Variants in DNAI2 observed in about 807,000 individuals in gnomAD.
DNAI2 encodes the protein dynein, axonemal, intermediate polypeptide 2.
A neutral mutation model predicts 74.7 loss-of-function variants in DNAI2; 63 were observed. That is an observed-to-expected ratio of 0.84 (90% CI 0.69 to 1.04). The LOEUF (loss-of-function observed/expected upper bound fraction) is 1.04. DNAI2 is among the 50% of genes least tolerant of loss of function. DNAI2 has a pLI of 0.00. For synonymous variants in DNAI2, 289 were observed against 314.9 expected (o/e 0.92, Z 0.87); for missense variants, 688 against 803.2 (o/e 0.86, Z 1.73).
rs1044856754 is a variant in DNAI2 at position 74,300,866 on chromosome 17, G to C, written c.865-180G>C. ...GCCGGCGACTCTGATGATCAGCCAG[G>C]TGTGGGAACTGTGGACAGAACAGCA... On this transcript the variant is annotated intron_variant, in intron 7 of 13. Coordinates refer to ENST00000311014, the MANE Select transcript of DNAI2 (RefSeq NM_023036.6). The surrounding 1 kb of genome is among the most constrained non-coding windows in gnomAD (Gnocchi z 4.5). Among the ~76,000 whole-genome samples, 3 of 152,216 alleles carry C rather than the reference G, an allele frequency of 2.0e-5. No homozygotes were observed. Among genetic ancestry groups the C allele is most frequent in the Admixed American group, 1.3e-4 (2 of 15,284 alleles).
intron 3 of DNAI2, 84 bp from the exon 4 acceptor site, chr17:74,286,893 G>A: frequency 1.9e-6 from 3 of 1,588,134 alleles, no homozygotes; most frequent in Non-Finnish European, 2.6e-6. Flanking sequence ...GCTATGTCCT[G>A]TCCCTCCCAG....
chr17:74,283,551 T>A (rs2051510715), intron 2 of DNAI2, among the ~76,000 whole-genome samples: 1 of 152,040 alleles, frequency 6.6e-6, no homozygotes, highest in Non-Finnish European at 1.5e-5. Flanking sequence ...ACAGCAGCAG[T>A]GAGCTGTGAT....
chr17:74,289,661 G>T lies in DNAI2; in HGVS notation c.535G>T (p.Ala179Ser), dbSNP rs749303157. The change falls in exon 5 of 14, where the codon GCA becomes TCA. Residue 179 changes from alanine to serine, a missense_variant. By Grantham distance (99) the Ala-to-Ser change is moderately conservative. Transcript: ENST00000311014. Reference protein sequence around the residue: ...SWHPDGNRKLAVAYSCLDFQR... With the variant: ...SWHPDGNRKLSVAYSCLDFQR... ...GCACCCCGATGGCAACAGGAAGTTG[G>T]CAGTGGCATACTCCTGCTTGGATTT... The T allele has an allele frequency of 9.9e-6, 16 of 1,614,000 alleles. No homozygotes were observed. The East Asian group carries it at 3.6e-4, about 36-fold the overall frequency.
Position 74,299,616 on chromosome 17 carries a change from C to G in DNAI2, c.725-102C>G, listed in dbSNP as rs1010871293. 3 of 1,512,840 alleles carry G rather than the reference C, an allele frequency of 2.0e-6. No homozygotes were observed. The East Asian group carries it at 6.8e-5, about 34-fold the overall frequency. 93.7% of individuals were successfully genotyped at this position (1,512,840 alleles called of 1,614,324 possible). ...GCCCTGATTCTAGAAAACCACATAC[C>G]TGCCAAACCAGAAGCAGCAGCCCCC... On this transcript the variant is annotated intron_variant, in intron 6 of 13. Coordinates refer to ENST00000311014, the MANE Select transcript of DNAI2 (RefSeq NM_023036.6).
At chr17:74,309,843 A>C in intron 10 of DNAI2, 174 bp from the exon 11 acceptor site, 1 of 806,030 alleles carries the variant, frequency 1.2e-6, no homozygotes, top group Non-Finnish European at 2.0e-6. Context: ...GAGGCAGGGA[A>C]GCCAGGAGCC....
intron 1 of DNAI2, among the ~76,000 whole-genome samples, chr17:74,281,086 C>CAAAAAAA (rs60399157): frequency 1.2e-4 from 7 of 58,888 alleles, no homozygotes; most frequent in African/African-American, 4.9e-4. Context: ...GCCTTTGTCT[C>CAAAAAAA]AAAAAAAAAA....
At position 74,285,196 on chromosome 17, in the gene DNAI2, G is replaced by A. The variant is rs764225804; in HGVS notation, c.340G>A (p.Gly114Ser). The A allele has an allele frequency of 5.5e-5, 89 of 1,613,860 alleles. No individual in the cohort carries two copies. The highest frequency in any genetic ancestry group is 3.3e-4 in the Middle Eastern group (2 of 6,084). ...ENYVNAIMQL[G>S]SIMEHCIKQN... Reference sequence around the variant, plus strand: ...CTACGTTAACGCCATCATGCAGCTCGGCTCTGTAAGGCTTCCTCCTGCCCC... The same window carrying A: ...CTACGTTAACGCCATCATGCAGCTCAGCTCTGTAAGGCTTCCTCCTGCCCC... The change falls in exon 3 of 14, where the codon GGC becomes AGC. Residue 114 changes from glycine to serine, a missense_variant. Coordinates refer to ENST00000311014, the MANE Select transcript of DNAI2 (RefSeq NM_023036.6).
intron 6 of DNAI2, among the ~76,000 whole-genome samples, chr17:74,297,322 G>C (rs2052506427): frequency 1.3e-5 from 2 of 150,882 alleles, no homozygotes; most frequent in Non-Finnish European, 2.9e-5. Context: ...TTGATCTCTT[G>C]ACCTCGTGAT....
chr17:74,279,546 G>C (rs1300634538), intron 1 of DNAI2, among the ~76,000 whole-genome samples: 1 of 152,008 alleles, frequency 6.6e-6, no homozygotes, highest in Non-Finnish European at 1.5e-5. Context: ...TCCTGTTTTT[G>C]AGATAGAGTC....
At chr17:74,293,352 G>A (rs1278101052) in intron 6 of DNAI2, among the ~76,000 whole-genome samples, 1 of 152,122 alleles carries the variant, frequency 6.6e-6, no homozygotes, top group East Asian at 1.9e-4. Flanking sequence ...ACATGCACAT[G>A]CTTATAATTG....
At chr17:74,292,021 G>A (rs1395974587) in intron 6 of DNAI2, among the ~76,000 whole-genome samples, 3 of 151,880 alleles carry the variant, frequency 2.0e-5, no homozygotes, top group Non-Finnish European at 2.9e-5. Flanking sequence ...ATGCCACCAC[G>A]CCTGGCTAAT....
Position 74,286,968 on chromosome 17 carries a change from C to A in DNAI2, c.346-9C>A, listed in dbSNP as rs780216155. On this transcript the variant is annotated splice_polypyrimidine_tract_variant and intron_variant, in intron 3 of 13. Coordinates refer to ENST00000311014, the MANE Select transcript of DNAI2 (RefSeq NM_023036.6). ...TTACTGCGGAGAACTTCCAATGTGT[C>A]CCCCCTAGATCATGGAGCACTGCAT... 6.2e-7 allele frequency: 1 copy of A among 1,613,458 alleles called. No individual in the cohort carries two copies. Among genetic ancestry groups the A allele is most frequent in the African/African-American group, 1.3e-5 (1 of 74,984 alleles).
intron 1 of DNAI2, among the ~76,000 whole-genome samples, chr17:74,279,223 T>C (rs1231752594): frequency 1.3e-5 from 2 of 152,152 alleles, no homozygotes; most frequent in South Asian, 2.1e-4. Context: ...AGGGGATGGA[T>C]ACCCCATTCT....
At chr17:74,294,956 C>T (rs2052344246) in intron 6 of DNAI2, among the ~76,000 whole-genome samples, 7 of 151,906 alleles carry the variant, frequency 4.6e-5, no homozygotes, top group Admixed American at 4.6e-4. Flanking sequence ...CTTTCTATTC[C>T]TCAGACTACA....
intron 4 of DNAI2, among the ~76,000 whole-genome samples, chr17:74,287,692 C>A (rs916510118): frequency 3.3e-5 from 5 of 152,318 alleles, no homozygotes; most frequent in Middle Eastern, 3.4e-3. Context: ...TGGTGGCTCA[C>A]GCCTGTAATC....
chr17:74,308,005 C>T (rs2053287227), intron 9 of DNAI2, among the ~76,000 whole-genome samples: 2 of 152,090 alleles, frequency 1.3e-5, no homozygotes, highest in African/African-American at 4.8e-5. Flanking sequence ...GCCATGTTGG[C>T]CAGGCTGATC....
At chr17:74,298,400 G>C (rs1247065285) in intron 6 of DNAI2, among the ~76,000 whole-genome samples, 1 of 152,288 alleles carries the variant, frequency 6.6e-6, no homozygotes, top group Non-Finnish European at 1.5e-5. Context: ...TGCCTCCCAG[G>C]TGCGAGTGAT....
rs1598342483 is a variant in DNAI2, at chr17:74,310,058, T to C, written c.1389T>C (p.Asn463=). 1 of 1,613,904 alleles carries C rather than the reference T, an allele frequency of 6.2e-7. No homozygotes were observed. The highest frequency in any genetic ancestry group is 1.1e-5 in the South Asian group (1 of 91,092). The part of the protein sequence containing the change: ...EALFCLRVQD[N]GCLIACGSQL... ...TCTTCTGCCTCCGGGTGCAGGACAA[T>C]GGGTGTCTCATCGCCTGCGGCTCCC... Residue 463 remains asparagine, a synonymous_variant, in exon 11 of 14, where the codon AAT becomes AAC. Transcript: ENST00000311014.
At chr17:74,285,958 C>CACACAT (rs1555608177) in intron 3 of DNAI2, among the ~76,000 whole-genome samples, 2 of 111,770 alleles carry the variant, frequency 1.8e-5, no homozygotes, top group Non-Finnish European at 4.5e-5. Context: ...CACACACACA[C>CACACAT]ATATATATAT....
Sources: gnomAD v4.1 joint callset for allele counts (sites outside exome capture counted in the v4.1 genomes callset) on GRCh38, gnomAD v4.1.1 for gene constraint, Gnocchi (gnomAD v3.1) non-coding constraint, MANE v1.5 for transcripts, NCBI Gene and HGNC (gene_info 2026-07-23, HGNC 2026-07-21) for gene names.